Variants in COL26A1 observed in about 807,000 individuals in gnomAD.
The protein encoded by COL26A1 is collagen alpha-1(XXVI) chain.
COL26A1 carries 41 observed loss-of-function variants against 59.3 expected under a neutral mutation model. The ratio of observed to expected loss-of-function variants is 0.69; its 90% CI spans 0.54 to 0.90. The LOEUF (loss-of-function observed/expected upper bound fraction) is 0.90. Ranked by LOEUF, COL26A1 falls within the 40% of genes least tolerant of loss-of-function variation. The pLI is 0.00. For missense variants in COL26A1, 612 were observed against 602.3 expected (o/e 1.02, Z -0.17); for synonymous variants, 266 against 256.0 (o/e 1.04, Z -0.37).
At position 101,555,242 on chromosome 7, in the gene COL26A1, C is replaced by T. The variant is rs531538473; in HGVS notation, c.1081-545C>T. Among the ~76,000 whole-genome samples the T allele has an allele frequency of 1.2e-4, 18 of 152,292 alleles. 1 individual carries two copies. The South Asian group carries it at 1.7e-3, about 14-fold the overall frequency. On this transcript the variant is annotated intron_variant, in intron 11 of 12. Coordinates refer to ENST00000313669, the MANE Select transcript of COL26A1 (RefSeq NM_001278563.3). ...CCTTGAAATACAGACTCTGCCATCACGCCAGCCTGCCTGCCTGCACTTTGA... is the reference window on the plus strand; with the variant it reads ...CCTTGAAATACAGACTCTGCCATCATGCCAGCCTGCCTGCCTGCACTTTGA...
At chr7:101,488,402 G>A (rs1156618510) in intron 3 of COL26A1, among the ~76,000 whole-genome samples, 1 of 134,276 alleles carries the variant, frequency 7.4e-6, no homozygotes, top group Non-Finnish European at 1.6e-5. Context: ...TTTTTCCAGA[G>A]TCTAACTCTG....
At chr7:101,495,510 G>A (rs897593105) in intron 3 of COL26A1, among the ~76,000 whole-genome samples, 5 of 151,832 alleles carry the variant, frequency 3.3e-5, no homozygotes, top group African/African-American at 7.3e-5. Context: ...CCAGGTTCAC[G>A]CCATTCTCCT....
At chr7:101,385,386 T>TATATATA (rs58580713) in intron 1 of COL26A1, among the ~76,000 whole-genome samples, 1 of 149,806 alleles carries the variant, frequency 6.7e-6, no homozygotes, top group Non-Finnish European at 1.5e-5. Context: ...TATATATATA[T>TATATATA]TTGTGACGGA....
chr7:101,456,894 C>T (rs147249087), intron 3 of COL26A1, among the ~76,000 whole-genome samples: 2 of 152,204 alleles, frequency 1.3e-5, no homozygotes, highest in African/African-American at 4.8e-5. Context: ...AGTCTCTACC[C>T]CAGTGTAATT....
intron 3 of COL26A1, among the ~76,000 whole-genome samples, chr7:101,529,347 C>T (rs1035473841): frequency 2.0e-5 from 3 of 152,048 alleles, no homozygotes; most frequent in African/African-American, 4.8e-5. Flanking sequence ...TGGCTCACTG[C>T]AGCCTCTGCC....
intron 7 of COL26A1, among the ~76,000 whole-genome samples, chr7:101,546,120 G>A (rs1304642603): frequency 6.6e-6 from 1 of 152,246 alleles, no homozygotes; most frequent in Non-Finnish European, 1.5e-5. Context: ...TGCAGAGAGT[G>A]GACGGGACCA....
chr7:101,423,504 G>A (rs1192310862), intron 2 of COL26A1, among the ~76,000 whole-genome samples: 1 of 152,162 alleles, frequency 6.6e-6, no homozygotes, highest in Admixed American at 6.6e-5. Flanking sequence ...GGAGGATAAG[G>A]TGGGTGGATC....
chr7:101,400,351 C>CTTTTTTTTTTTTTTTTTTTTTTT lies in COL26A1; in HGVS notation c.159-19625_159-19624insTTTTTTTTTTTTTTTTTTTTTTT, dbSNP rs1387032420. Among the ~76,000 whole-genome samples the CTTTTTTTTTTTTTTTTTTTTTTT allele has an allele frequency of 8.9e-5, 11 of 123,352 alleles. 3 individuals are homozygous for CTTTTTTTTTTTTTTTTTTTTTTT. Among genetic ancestry groups the CTTTTTTTTTTTTTTTTTTTTTTT allele is most frequent in the Admixed American group, 1.8e-4 (2 of 11,322 alleles). The allele number at this position is 123,352 out of a possible 152,430, so 80.9% of individuals were successfully genotyped here. ...GTCCACACTGCCTTTCTTTTTTTTC[C>CTTTTTTTTTTTTTTTTTTTTTTT]TATTTTTTTTTTTTTTTTTTTTTTT... On this transcript the variant is annotated intron_variant, in intron 1 of 12. Coordinates refer to ENST00000313669, the MANE Select transcript of COL26A1 (RefSeq NM_001278563.3).
At chr7:101,415,866 C>T (rs1203413527) in intron 1 of COL26A1, among the ~76,000 whole-genome samples, 1 of 151,962 alleles carries the variant, frequency 6.6e-6, no homozygotes, top group African/African-American at 2.4e-5. Flanking sequence ...CTTCTGGGCT[C>T]AAGTGATCCT....
intron 1 of COL26A1, among the ~76,000 whole-genome samples, chr7:101,379,052 T>C (rs1584353979): frequency 6.6e-6 from 1 of 152,098 alleles, no homozygotes; most frequent in Admixed American, 6.6e-5. Context: ...GCTCCGGCTG[T>C]CTGCGCCCCA....
At chr7:101,481,329 G>T (rs1461254655) in intron 3 of COL26A1, among the ~76,000 whole-genome samples, 1 of 151,206 alleles carries the variant, frequency 6.6e-6, no homozygotes, top group South Asian at 2.1e-4. Context: ...TCATATAGCA[G>T]CTTCTGTGTC....
intron 1 of COL26A1, among the ~76,000 whole-genome samples, chr7:101,403,138 G>T (rs895653543): frequency 6.6e-6 from 1 of 152,098 alleles, no homozygotes; most frequent in African/African-American, 2.4e-5. Context: ...GCCACTGCGT[G>T]TGGCCGGCAA....
chr7:101,548,517 G>A (rs1795787699), intron 8 of COL26A1, among the ~76,000 whole-genome samples: 1 of 152,168 alleles, frequency 6.6e-6, no homozygotes, highest in African/African-American at 2.4e-5. Context: ...GGAAAGCTGG[G>A]AAGGCTTCCT....
intron 3 of COL26A1, among the ~76,000 whole-genome samples, chr7:101,480,934 AT>A (rs1329119768): frequency 3.9e-5 from 6 of 152,316 alleles, no homozygotes. Context: ...TTGTGGAACC[AT>A]TCTTCCACAA....
chr7:101,500,202 C>T (rs1794672475), intron 3 of COL26A1, among the ~76,000 whole-genome samples: 1 of 152,150 alleles, frequency 6.6e-6, no homozygotes, highest in African/African-American at 2.4e-5. Context: ...CTCTCGCCAC[C>T]CTTCCTAGCC....
chr7:101,509,377 C>T (rs877704), intron 3 of COL26A1, among the ~76,000 whole-genome samples: 39,761 of 151,812 alleles, frequency 0.26, 7,236 homozygotes, highest in African/African-American at 0.52. Flanking sequence ...ACCTGGGAGG[C>T]GGGGGTTGCA....
At chr7:101,470,813 C>G (rs530734963) in intron 3 of COL26A1, among the ~76,000 whole-genome samples, 89 of 152,126 alleles carry the variant, frequency 5.9e-4, no homozygotes, top group Non-Finnish European at 1.1e-3. Context: ...TCTTCTCTTC[C>G]TGGGGGTCAA....
chr7:101,471,414 C>T (rs966629191), intron 3 of COL26A1, among the ~76,000 whole-genome samples: 1 of 151,776 alleles, frequency 6.6e-6, no homozygotes, highest in Non-Finnish European at 1.5e-5. Context: ...GGTGAGTTGC[C>T]GAGTATAGTG....
chr7:101,467,239 A>G (rs1793784557), intron 3 of COL26A1, among the ~76,000 whole-genome samples: 1 of 151,864 alleles, frequency 6.6e-6, no homozygotes, highest in Non-Finnish European at 1.5e-5. Context: ...GACCCACAAG[A>G]AGTGAGTTTA....
Sources: gnomAD v4.1 joint callset for allele counts (sites outside exome capture counted in the v4.1 genomes callset) on GRCh38, gnomAD v4.1.1 for gene constraint, MANE v1.5 for transcripts, NCBI Gene and HGNC (gene_info 2026-07-23, HGNC 2026-07-21) for gene names.